The following OPCML variants were observed in gnomAD, a reference collection of about 807,000 sequenced individuals.
OPCML encodes opioid-binding protein/cell adhesion molecule.
OPCML carries 13 observed loss-of-function variants against 37.8 expected under a neutral mutation model. The observed-to-expected ratio is 0.34, with a 90% CI of 0.22 to 0.55. OPCML has a LOEUF of 0.55. OPCML is among the 20% of genes least tolerant of loss of function. OPCML has a pLI of 0.91. For missense variants in OPCML, 341 were observed against 435.6 expected (o/e 0.78, Z 1.93); for synonymous variants, 176 against 168.8 (o/e 1.04, Z -0.33).
At chr11:132,484,131 A>G (rs1242289447) in intron 4 of OPCML, among the ~76,000 whole-genome samples, 1 of 152,196 alleles carries the variant, frequency 6.6e-6, no homozygotes, top group Non-Finnish European at 1.5e-5. Context: ...TGAACAGGCA[A>G]CCTACAGAAT....
At chr11:133,423,704 A>G (rs1174479597) in intron 1 of OPCML, among the ~76,000 whole-genome samples, 1 of 152,194 alleles carries the variant, frequency 6.6e-6, no homozygotes, top group Non-Finnish European at 1.5e-5. Context: ...TGTCCCCTCC[A>G]AGGTGCATGT....
At chr11:132,426,535 T>A (rs1414327258) in intron 7 of OPCML, among the ~76,000 whole-genome samples, 1 of 152,072 alleles carries the variant, frequency 6.6e-6, no homozygotes, top group Non-Finnish European at 1.5e-5. Flanking sequence ...CAGGTTCAAG[T>A]GATTCTCCTG....
At chr11:133,505,579 T>C (rs946175830) in intron 1 of OPCML, among the ~76,000 whole-genome samples, 1 of 152,182 alleles carries the variant, frequency 6.6e-6, no homozygotes, top group Non-Finnish European at 1.5e-5. Context: ...TCAGACTTCA[T>C]CCCAGAAACC....
At chr11:132,635,909 T>C (rs1170574137) in intron 3 of OPCML, among the ~76,000 whole-genome samples, 1 of 152,140 alleles carries the variant, frequency 6.6e-6, no homozygotes. Context: ...GCTACATTCA[T>C]GTTTAAGGAA....
intron 3 of OPCML, among the ~76,000 whole-genome samples, chr11:132,562,098 G>A (rs1415470766): frequency 6.6e-6 from 1 of 152,202 alleles, no homozygotes; most frequent in African/African-American, 2.4e-5. Flanking sequence ...GAGTCAGAGA[G>A]GAATGTATTT....
At chr11:133,302,282 A>G (rs1039721207) in intron 1 of OPCML, 3 of 152,094 alleles carry the variant, frequency 2.0e-5, no homozygotes, top group African/African-American at 7.2e-5. Context: ...CATGATAGTG[A>G]GTTCTCGGGA....
At chr11:132,555,012 G>C (rs1281946462) in intron 3 of OPCML, among the ~76,000 whole-genome samples, 1 of 151,860 alleles carries the variant, frequency 6.6e-6, no homozygotes, top group Admixed American at 6.6e-5. Context: ...CACACTTAGA[G>C]AGTCCATAAT....
intron 1 of OPCML, among the ~76,000 whole-genome samples, chr11:133,334,511 G>A (rs1943698845): frequency 6.6e-6 from 1 of 152,120 alleles, no homozygotes; most frequent in Admixed American, 6.6e-5. Context: ...AGGGTGGGAG[G>A]AAGGAGAGGA....
chr11:132,747,055 G>A (rs1394198122), intron 2 of OPCML, among the ~76,000 whole-genome samples: 2 of 151,844 alleles, frequency 1.3e-5, no homozygotes, highest in Non-Finnish European at 2.9e-5. Context: ...ATGCATGTAG[G>A]GTAATAATAG....
chr11:132,669,478 G>GT (rs1942364409), intron 2 of OPCML, among the ~76,000 whole-genome samples: 1 of 152,176 alleles, frequency 6.6e-6, no homozygotes, highest in South Asian at 2.1e-4. Flanking sequence ...TAGTGAAGCA[G>GT]TTTTTTGGAG....
At chr11:133,456,964 G>A (rs977419353) in intron 1 of OPCML, among the ~76,000 whole-genome samples, 5 of 152,112 alleles carry the variant, frequency 3.3e-5, no homozygotes, top group African/African-American at 1.2e-4. Flanking sequence ...AAGAAATAAT[G>A]GACAAAAGCT....
chr11:132,864,411 C>T (rs373937267), intron 2 of OPCML, among the ~76,000 whole-genome samples: 34 of 152,336 alleles, frequency 2.2e-4, no homozygotes, highest in African/African-American at 7.9e-4. Context: ...TCACTCACCA[C>T]GTAACTTCAG....
At chr11:133,372,668 C>G (rs1359999361) in intron 1 of OPCML, among the ~76,000 whole-genome samples, 1 of 152,184 alleles carries the variant, frequency 6.6e-6, no homozygotes, top group Non-Finnish European at 1.5e-5. Flanking sequence ...AAGCACTTCA[C>G]AGGTAATTAT....
At chr11:132,480,242 T>C (rs935010125) in intron 4 of OPCML, among the ~76,000 whole-genome samples, 3 of 152,176 alleles carry the variant, frequency 2.0e-5, no homozygotes, top group Non-Finnish European at 4.4e-5. Flanking sequence ...CAGGAGCCGA[T>C]GCAATCAACT....
At chr11:132,484,419 C>G (rs1257756053) in intron 4 of OPCML, among the ~76,000 whole-genome samples, 1 of 152,192 alleles carries the variant, frequency 6.6e-6, no homozygotes, top group Admixed American at 6.5e-5. Flanking sequence ...CAGGAAACAA[C>G]AGGTGCTGGA....
intron 2 of OPCML, among the ~76,000 whole-genome samples, chr11:132,800,261 T>C (rs77600532): frequency 6.6e-6 from 1 of 152,214 alleles, no homozygotes; most frequent in African/African-American, 2.4e-5. Context: ...TATTGACTTA[T>C]CCTGCAACCT....
At chr11:133,419,198 G>A (rs1945831358) in intron 1 of OPCML, 4 of 977,672 alleles carry the variant, frequency 4.1e-6, no homozygotes, top group Non-Finnish European at 3.6e-6. Context: ...CTTTTTCTGT[G>A]CAACGGGCCA....
chr11:132,693,961 C>T (rs748443785), intron 2 of OPCML, among the ~76,000 whole-genome samples: 5 of 151,962 alleles, frequency 3.3e-5, no homozygotes, highest in Admixed American at 1.3e-4. Context: ...CAAAGAAACA[C>T]GTGACCTATT....
chr11:133,381,537 G>A (rs1248946136), intron 1 of OPCML, among the ~76,000 whole-genome samples: 2 of 152,160 alleles, frequency 1.3e-5, no homozygotes, highest in African/African-American at 4.8e-5. Flanking sequence ...TAGCTTGAGG[G>A]ACAGTTCTGA....
Sources: allele counts gnomAD v4.1 joint callset (sites outside exome capture counted in the v4.1 genomes callset), GRCh38; gene constraint gnomAD v4.1.1; transcripts MANE v1.5; gene names NCBI Gene and HGNC (gene_info 2026-07-23, HGNC 2026-07-21).